Variants in KCNMA1 observed in about 807,000 individuals in gnomAD.
KCNMA1 encodes the protein Calcium-activated potassium channel subunit alpha-1.
In KCNMA1, 29 loss-of-function variants were observed where a neutral mutation model predicts 140.0. The ratio of observed to expected loss-of-function variants is 0.21; its 90% confidence interval spans 0.15 to 0.28. The LOEUF is 0.28. Among genes scored for constraint, KCNMA1 ranks in the 10% least tolerant of loss-of-function variants. The pLI, the probability that KCNMA1 is intolerant of heterozygous loss-of-function variation, is 1.00. For synonymous variants in KCNMA1, 612 were observed against 611.9 expected (o/e 1.00, Z 0.00); for missense variants, 880 against 1,602.2 (o/e 0.55, Z 7.70).
At position 77,392,283 on chromosome 10, in the gene KCNMA1, G is replaced by C. The variant is rs141654294; in HGVS notation, c.540+11579C>G. The stretch of plus-strand genomic sequence containing the variant: ...AAGGGAGGGAAAGGAAGGGAGGGAA[G>C]GGAAGGAAGGTAAGGGAGGCAAGGG... On this transcript the variant is annotated intron_variant, in intron 2 of 27. Transcript: ENST00000286628. Among the ~76,000 whole-genome samples the C allele has an allele frequency of 3.1e-4, 45 of 147,032 alleles. No individual in the cohort carries two copies. In the East Asian group the frequency reaches 8.7e-3, roughly 28 times the overall value.
intron 2 of KCNMA1, among the ~76,000 whole-genome samples, chr10:77,402,344 C>G (rs185137953): frequency 2.2e-4 from 33 of 152,310 alleles, no homozygotes; most frequent in Admixed American, 4.6e-4. Flanking sequence ...CTGGGTCACA[C>G]CAGACTGAAT....
intron 15 of KCNMA1, among the ~76,000 whole-genome samples, chr10:77,038,282 G>A (rs2094458661): frequency 6.6e-6 from 1 of 152,124 alleles, no homozygotes; most frequent in Non-Finnish European, 1.5e-5. Flanking sequence ...CTCCTTTGTG[G>A]TAAAGCCTGA....
chr10:77,635,426 C>T (rs910381263), intron 1 of KCNMA1: 1 of 152,230 alleles, frequency 6.6e-6, no homozygotes, highest in Non-Finnish European at 1.5e-5. Context: ...TCACCCAGAT[C>T]ACTCTATCTA....
chr10:77,157,738 C>T (rs778318076), intron 5 of KCNMA1, among the ~76,000 whole-genome samples: 7 of 152,102 alleles, frequency 4.6e-5, no homozygotes, highest in East Asian at 1.9e-4. Flanking sequence ...TTCAGCGAGG[C>T]GAGCCCCACA....
At chr10:77,229,521 T>A (rs778739708) in intron 3 of KCNMA1, among the ~76,000 whole-genome samples, 1 of 152,208 alleles carries the variant, frequency 6.6e-6, no homozygotes, top group African/African-American at 2.4e-5. Context: ...CACTCATCTC[T>A]TCACCCCAGT....
At chr10:76,912,214 A>G (rs539942290) in intron 24 of KCNMA1, 20 of 152,352 alleles carry the variant, frequency 1.3e-4, no homozygotes, top group Non-Finnish European at 2.5e-4. Context: ...CCCAAAGCAT[A>G]TGTGGTCAAA....
intron 19 of KCNMA1, among the ~76,000 whole-genome samples, chr10:76,991,217 T>C (rs4980119): frequency 0.018 from 2,714 of 152,288 alleles, 91 homozygotes; most frequent in African/African-American, 0.061. Flanking sequence ...TCAGGTTTGC[T>C]GAAATTAATA....
intron 1 of KCNMA1, among the ~76,000 whole-genome samples, chr10:77,557,908 C>T (rs1197400454): frequency 6.6e-6 from 1 of 152,080 alleles, no homozygotes; most frequent in African/African-American, 2.4e-5. Context: ...CCTCGGGCTC[C>T]CCTCTTTACA....
chr10:77,631,471 T>C (rs370638332), intron 1 of KCNMA1, among the ~76,000 whole-genome samples: 10 of 152,306 alleles, frequency 6.6e-5, no homozygotes, highest in African/African-American at 2.4e-4. Context: ...AAGGCGACCT[T>C]CCAGGGGATC....
At chr10:77,086,431 T>G (rs2096692140) in intron 11 of KCNMA1, 57 bp downstream of exon 11, 1 of 1,286,830 alleles carries the variant, frequency 7.8e-7, no homozygotes, top group Non-Finnish European at 1.1e-6. Flanking sequence ...GAGTCAGGAC[T>G]CCCCCCAGAC....
intron 2 of KCNMA1, among the ~76,000 whole-genome samples, chr10:77,386,507 C>T (rs1469995483): frequency 5.3e-5 from 8 of 152,160 alleles, no homozygotes; most frequent in African/African-American, 1.4e-4. Flanking sequence ...TCTATCCAGT[C>T]GTAGGTTTGC....
At chr10:76,981,350 G>C (rs1199966749) in intron 19 of KCNMA1, among the ~76,000 whole-genome samples, 1 of 152,002 alleles carries the variant, frequency 6.6e-6, no homozygotes, top group Non-Finnish European at 1.5e-5. Context: ...ATAAAAACAA[G>C]AAAAGCCAGA....
chr10:76,881,098 T>C (rs567895564), downstream of KCNMA1, among the ~76,000 whole-genome samples: 1 of 152,266 alleles, frequency 6.6e-6, no homozygotes, highest in South Asian at 2.1e-4. Context: ...TGCAGAGAGA[T>C]GCTGGTAGAG....
chr10:77,086,635 C>T (rs761234508), intron 10 of KCNMA1, 42 bp from the exon 11 acceptor site: 35 of 1,453,100 alleles, frequency 2.4e-5, no homozygotes, highest in East Asian at 6.8e-5. Context: ...TTAATGGACT[C>T]GGGGGTTTCA....
intron 1 of KCNMA1, among the ~76,000 whole-genome samples, chr10:77,549,076 C>T (rs956991761): frequency 2.6e-5 from 4 of 152,210 alleles, no homozygotes; most frequent in Admixed American, 6.5e-5. Context: ...GAACACATCA[C>T]TGATAAAAGT....
intron 1 of KCNMA1, among the ~76,000 whole-genome samples, chr10:77,531,696 A>C (rs915168370): frequency 2.0e-5 from 3 of 152,250 alleles, no homozygotes; most frequent in Non-Finnish European, 4.4e-5. Context: ...CTTCATGCAT[A>C]AACCCACCAA....
At chr10:77,285,945 G>C (rs2070676754) in intron 2 of KCNMA1, among the ~76,000 whole-genome samples, 1 of 152,128 alleles carries the variant, frequency 6.6e-6, no homozygotes, top group African/African-American at 2.4e-5. Context: ...TATTCCCCTG[G>C]TGGAAACAGT....
At chr10:76,952,565 C>A (rs3781148) in intron 21 of KCNMA1, among the ~76,000 whole-genome samples, 11 of 152,002 alleles carry the variant, frequency 7.2e-5, no homozygotes, top group African/African-American at 2.7e-4. Context: ...AGCAGCTTTG[C>A]GAGTAGAACA....
At chr10:77,498,268 C>G (rs2042639449) in intron 1 of KCNMA1, among the ~76,000 whole-genome samples, 1 of 152,130 alleles carries the variant, frequency 6.6e-6, no homozygotes, top group South Asian at 2.1e-4. Flanking sequence ...TATCAGGCAC[C>G]GGGACTCCCT....
Sources: allele counts gnomAD v4.1 joint callset (sites outside exome capture counted in the v4.1 genomes callset), GRCh38; gene constraint gnomAD v4.1.1; transcripts MANE v1.5; gene names NCBI Gene and HGNC (gene_info 2026-07-23, HGNC 2026-07-21).